RIMS2: variants seen among roughly 807,000 people sequenced by gnomAD.
The protein encoded by RIMS2 is regulating synaptic membrane exocytosis protein 2.
In RIMS2, 59 loss-of-function variants were observed where a neutral mutation model predicts 174.4. The observed-to-expected ratio is 0.34, with a 90% CI of 0.27 to 0.42. The LOEUF (loss-of-function observed/expected upper bound fraction) is 0.42, where lower values mean the gene tolerates loss of function less well. RIMS2 is among the 10% of genes least tolerant of loss of function. The probability of loss-of-function intolerance (pLI) is 1.00; values close to 1 mark genes in which losing one functional copy is unlikely to be tolerated. For synonymous variants in RIMS2, 606 were observed against 572.5 expected, an observed-to-expected ratio of 1.06 and a Z score of -0.84; for missense variants, 1,620 against 1,666.3, an observed-to-expected ratio of 0.97 and a Z score of 0.48.
At chr8:103,578,150 A>G (rs1020657243) in intron 1 of RIMS2, among the ~76,000 whole-genome samples, 5 of 152,228 alleles carry the variant, frequency 3.3e-5, no homozygotes, top group African/African-American at 1.2e-4. Flanking sequence ...GATTAGACCC[A>G]AATAAGAGTA....
intron 3 of RIMS2, among the ~76,000 whole-genome samples, chr8:103,834,478 AG>A (rs1487586309): frequency 6.6e-6 from 1 of 151,434 alleles, no homozygotes; most frequent in African/African-American, 2.4e-5. Flanking sequence ...CTGGGATTGT[AG>A]GGGGCATGCC....
chr8:103,528,671 T>C (rs1835334187), intron 1 of RIMS2, among the ~76,000 whole-genome samples: 1 of 152,228 alleles, frequency 6.6e-6, no homozygotes, highest in African/African-American at 2.4e-5. Flanking sequence ...TTTCTTGTTT[T>C]TGTCAGGTTT....
intron 2 of RIMS2, among the ~76,000 whole-genome samples, chr8:103,729,379 C>A (rs1398344009): frequency 6.6e-6 from 1 of 151,950 alleles, no homozygotes; most frequent in East Asian, 1.9e-4. Flanking sequence ...TTCATAGTAG[C>A]CTCTAATGAT....
At chr8:104,155,469 A>G (rs1373035910) in intron 19 of RIMS2, among the ~76,000 whole-genome samples, 3 of 122,736 alleles carry the variant, frequency 2.4e-5, no homozygotes, top group Non-Finnish European at 4.8e-5. Context: ...GCTGGAGTAC[A>G]GTGGCGCGAT....
At chr8:104,183,070 T>C (rs972726830) in intron 19 of RIMS2, among the ~76,000 whole-genome samples, 5 of 151,734 alleles carry the variant, frequency 3.3e-5, no homozygotes, top group African/African-American at 9.7e-5. Flanking sequence ...CTTTTACCCA[T>C]ATTAAATGTT....
At chr8:103,834,021 A>T (rs1384154702) in intron 3 of RIMS2, among the ~76,000 whole-genome samples, 1 of 151,894 alleles carries the variant, frequency 6.6e-6, no homozygotes, top group Middle Eastern at 3.4e-3. Flanking sequence ...TTATTTATTT[A>T]TTTTTTGAGA....
chr8:103,790,692 GT>G (rs2154442864), intron 3 of RIMS2, among the ~76,000 whole-genome samples: 1 of 152,166 alleles, frequency 6.6e-6, no homozygotes, highest in East Asian at 1.9e-4. Flanking sequence ...CTTTTCTTGT[GT>G]TCAATGGCTA....
At chr8:103,746,909 T>C (rs1393479128) in intron 2 of RIMS2, among the ~76,000 whole-genome samples, 1 of 152,018 alleles carries the variant, frequency 6.6e-6, no homozygotes, top group African/African-American at 2.4e-5. Context: ...CTCGATGTCC[T>C]GACCTTGTGA....
intron 1 of RIMS2, among the ~76,000 whole-genome samples, chr8:103,583,696 A>C (rs976784638): frequency 6.7e-6 from 1 of 149,728 alleles, no homozygotes; most frequent in Non-Finnish European, 1.5e-5. Context: ...AAGACAGGCT[A>C]TTTGAAAATA....
At chr8:103,637,477 A>T (rs2096115454) in intron 1 of RIMS2, among the ~76,000 whole-genome samples, 1 of 152,238 alleles carries the variant, frequency 6.6e-6, no homozygotes, top group Admixed American at 6.5e-5. Context: ...AAAGATAAGT[A>T]CTTGTGAAAG....
intron 1 of RIMS2, among the ~76,000 whole-genome samples, chr8:103,598,324 A>C (rs1204053304): frequency 1.3e-5 from 2 of 152,196 alleles, no homozygotes; most frequent in Admixed American, 1.3e-4. Flanking sequence ...GGACATTTGA[A>C]GCTCTGTTGC....
intron 1 of RIMS2, among the ~76,000 whole-genome samples, chr8:103,578,938 T>C (rs2093430201): frequency 6.6e-6 from 1 of 151,538 alleles, no homozygotes; most frequent in South Asian, 2.1e-4. Context: ...TGCACTGAGC[T>C]GAGAATGCAC....
intron 1 of RIMS2, among the ~76,000 whole-genome samples, chr8:103,537,923 G>A (rs1461275816): frequency 6.6e-6 from 1 of 151,888 alleles, no homozygotes; most frequent in Non-Finnish European, 1.5e-5. Flanking sequence ...AGGGCCATGT[G>A]ATACATTTTG....
At chr8:103,647,067 T>G (rs1226046851) in intron 1 of RIMS2, among the ~76,000 whole-genome samples, 1 of 152,234 alleles carries the variant, frequency 6.6e-6, no homozygotes, top group Non-Finnish European at 1.5e-5. Context: ...TGAAGGCCTG[T>G]TCTGCATCTA....
chr8:103,786,308 G>A (rs2098443231), intron 3 of RIMS2, among the ~76,000 whole-genome samples: 2 of 151,964 alleles, frequency 1.3e-5, no homozygotes, highest in Non-Finnish European at 2.9e-5. Context: ...CTTGCCTTCT[G>A]CTAGCTTTTG....
chr8:103,829,665 T>G (rs2098813703), intron 3 of RIMS2, among the ~76,000 whole-genome samples: 1 of 151,984 alleles, frequency 6.6e-6, no homozygotes, highest in African/African-American at 2.4e-5. Context: ...TGAATACACA[T>G]GGACACAAAG....
At chr8:103,511,354 C>G (rs1297518250) in intron 1 of RIMS2, among the ~76,000 whole-genome samples, 2 of 152,172 alleles carry the variant, frequency 1.3e-5, no homozygotes, top group Admixed American at 6.6e-5. Flanking sequence ...GCAGTATTTT[C>G]ATTATCCAAT....
At chr8:104,140,697 C>A (rs1277986977) in intron 19 of RIMS2, among the ~76,000 whole-genome samples, 1 of 152,136 alleles carries the variant, frequency 6.6e-6, no homozygotes, top group Non-Finnish European at 1.5e-5. Flanking sequence ...AGGGCAGGTA[C>A]CATTTCAGCC....
intron 3 of RIMS2, among the ~76,000 whole-genome samples, chr8:103,786,423 C>G (rs2098444205): frequency 1.3e-5 from 2 of 151,694 alleles, no homozygotes; most frequent in Non-Finnish European, 2.9e-5. Context: ...TATAAATTTC[C>G]CTCTACACAC....
Sources: gnomAD v4.1 joint callset for allele counts (sites outside exome capture counted in the v4.1 genomes callset) on GRCh38, gnomAD v4.1.1 for gene constraint, MANE v1.5 for transcripts, NCBI Gene and HGNC (gene_info 2026-07-23, HGNC 2026-07-21) for gene names.